The following NAT8L variants were observed in gnomAD, a reference collection of about 807,000 sequenced individuals.
NAT8L encodes N-acetylaspartate synthetase.
In NAT8L, 6 loss-of-function variants were observed where a neutral mutation model predicts 21.2. That is an observed-to-expected ratio of 0.28 (90% CI 0.16 to 0.56). The LOEUF is 0.56. Among genes scored for constraint, NAT8L ranks in the 20% least tolerant of loss-of-function variants. The pLI is 0.93. For synonymous variants in NAT8L, 239 were observed against 204.9 expected (o/e 1.17, Z -1.42); for missense variants, 331 against 433.3 (o/e 0.76, Z 2.10).
chr4:2,067,016 C>T lies in NAT8L; in HGVS notation c.*2889C>T, dbSNP rs1334508222. 1 of 152,472 alleles carries T rather than the reference C, an allele frequency of 6.6e-6. No homozygotes were observed. The highest frequency in any genetic ancestry group is 1.5e-5 in the Non-Finnish European group (1 of 68,230). The allele number at this position is 152,472 out of a possible 1,614,324, so 9.4% of individuals were successfully genotyped here. ...GCGCCTCGGGATGCCCCACACTGCC[C>T]AGAGCCACGGGTCTTGCTGTGCTGG... On this transcript the variant is annotated 3_prime_UTR_variant, in exon 3 of 3. Coordinates refer to ENST00000423729, the MANE Select transcript of NAT8L (RefSeq NM_178557.4).
Position 2,060,526 on chromosome 4 carries a change from C to T in NAT8L, c.377-472C>T, listed in dbSNP as rs911230275. Among the ~76,000 whole-genome samples the T allele has an allele frequency of 1.6e-4, 25 of 152,198 alleles. No individual in the cohort carries two copies. The highest frequency in any genetic ancestry group is 2.5e-4 in the Non-Finnish European group (17 of 68,020). On this transcript the variant is annotated intron_variant, in intron 1 of 2. Transcript: ENST00000423729. The surrounding 1 kb of genome is among the most constrained non-coding windows in gnomAD (Gnocchi z 4.7). ...GGGGCCTCCCTGCCCTGTCCCTGCC[C>T]TCAGAGCTCCCGGACGCTGGCCAGG...
At chr4:2,061,280 G>T (rs943102120) in intron 2 of NAT8L, 118 bp downstream of exon 2, 1 of 1,514,468 alleles carries the variant, frequency 6.6e-7, no homozygotes, top group South Asian at 1.3e-5. Context: ...CTGAGCCGGG[G>T]CCCCTGTGAC....
Position 2,061,175 on chromosome 4 carries a change from C to T in NAT8L, c.541+13C>T. The stretch of plus-strand genomic sequence containing the variant: ...ATGAAGCCGCCCGGTGAGTCCCGCT[C>T]CCGCCGCTCCCCGACCTCCGCCCCA... On this transcript the variant is annotated intron_variant, in intron 2 of 2. Transcript: ENST00000423729. The T allele has an allele frequency of 6.2e-7, 1 of 1,609,622 alleles. No homozygotes were observed. The highest frequency in any genetic ancestry group is 8.5e-7 in the Non-Finnish European group (1 of 1,178,284).
chr4:2,063,114 G>A (rs1729924761), intron 2 of NAT8L, among the ~76,000 whole-genome samples: 1 of 152,288 alleles, frequency 6.6e-6, no homozygotes, highest in Non-Finnish European at 1.5e-5. Context: ...TGCCAGGAGA[G>A]GCCGGGGCCA....
At chr4:2,061,806 C>T (rs372848014) in intron 2 of NAT8L, among the ~76,000 whole-genome samples, 1 of 152,130 alleles carries the variant, frequency 6.6e-6, no homozygotes, top group Non-Finnish European at 1.5e-5. Flanking sequence ...AGACTCTGCT[C>T]TCTGGGGTGG....
rs199509678 is a variant in NAT8L at position 2,064,007 on chromosome 4, C to T, written c.789C>T (p.Gly263=). 459 of 1,611,848 alleles carry T rather than the reference C, an allele frequency of 2.8e-4. 2 individuals are homozygous for T. The highest frequency in any genetic ancestry group is 2.8e-3 in the Middle Eastern group (17 of 6,036). Residue 263 remains glycine (G), a synonymous_variant, in exon 3 of 3, where the codon GGC becomes GGT. Transcript: ENST00000423729. ...VAAHKLYESL[G]FRHMGASDHY... ...CCCACAAGCTCTACGAGTCGCTGGG[C>T]TTCAGACACATGGGCGCCAGTGACC...
At chr4:2,061,384 G>T (rs1415893652) in intron 2 of NAT8L, among the ~76,000 whole-genome samples, 1 of 152,226 alleles carries the variant, frequency 6.6e-6, no homozygotes, top group Non-Finnish European at 1.5e-5. Context: ...CTGGCCCTGC[G>T]ACGCAGTGGC....
rs1729976751 is a variant in NAT8L at position 2,065,346 on chromosome 4, G to A, written c.*1219G>A. ...CAGGGCGCTGCCTTGGGCTGGGTGG[G>A]AAGAGGGGTGGCCGCCTCGGCTTCC... On this transcript the variant is annotated 3_prime_UTR_variant, in exon 3 of 3. Transcript: ENST00000423729. 6.6e-6 allele frequency: 1 copy of A among 150,402 alleles called. No individual in the cohort carries two copies. The highest frequency in any genetic ancestry group is 1.5e-5 in the Non-Finnish European group (1 of 67,768). 9.3% of individuals were successfully genotyped at this position (150,402 alleles called of 1,614,324 possible).
In NAT8L at chr4:2,059,661, C is replaced by G; in HGVS notation, c.150C>G (p.Ala50=). 1.0e-6 allele frequency: 1 copy of G among 971,628 alleles called. No individual in the cohort carries two copies. The highest frequency in any genetic ancestry group is 1.8e-5 in the African/African-American group (1 of 56,206). The allele number at this position is 971,628 out of a possible 1,614,324, so 60.2% of individuals were successfully genotyped here. ...PPLPAAPGPA[A]APPAPPPAPV... ...TGCCCGCCGCGCCCGGGCCGGCCGC[C>G]GCGCCCCCCGCGCCCCCACCTGCCC... Residue 50 remains alanine (A), a synonymous_variant, in exon 1 of 3, where the codon GCC becomes GCG. Transcript: ENST00000423729. This position sits in a 1 kb window ranked among gnomAD's most constrained non-coding sequence, Gnocchi z 4.8.
At chr4:2,062,538 C>T (rs938038742) in intron 2 of NAT8L, among the ~76,000 whole-genome samples, 2 of 152,018 alleles carry the variant, frequency 1.3e-5, no homozygotes, top group South Asian at 2.1e-4. Flanking sequence ...GGGCAGCCCT[C>T]CTGGGAACCC....
At chr4:2,061,268 G>GCCTGAGCCGGGGCCCCTGTGA (rs1455027259) in intron 2 of NAT8L, 106 bp downstream of exon 2, 1 of 1,532,490 alleles carries the variant, frequency 6.5e-7, no homozygotes, top group Admixed American at 2.0e-5. Context: ...GCGTGGGTGG[G>GCCTGAGCCGGGGCCCCTGTGA]CCTGAGCCGG....
rs1012799766 is a variant in NAT8L at position 2,068,341 on chromosome 4, ATG to A, written c.*4218_*4219del. On this transcript the variant is annotated 3_prime_UTR_variant, in exon 3 of 3. Transcript: ENST00000423729. ...TGTGTGTGCGCATGTGTGCGTGTAC[ATG>A]TGTTTGTGTCTTGGGTATGCATAAG... The A allele has an allele frequency of 3.3e-5, 5 of 152,116 alleles. No individual in the cohort carries two copies. Among genetic ancestry groups the A allele is most frequent in the Non-Finnish European group, 5.9e-5 (4 of 68,056 alleles). The allele number at this position is 152,116 out of a possible 1,614,324, so 9.4% of individuals were successfully genotyped here.
At position 2,064,048 on chromosome 4, in the gene NAT8L, G is replaced by T; in HGVS notation, c.830G>T (p.Gly277Val). The stretch of plus-strand genomic sequence containing the variant: ...GCCAGTGACCACTACGTGCTGCCGG[G>T]CATGACCCTCTCGCTGGCTGAGCGC... ...MGASDHYVLP[G>V]MTLSLAERLF... is the part of the protein sequence containing the mutation. Residue 277 changes from glycine to valine, a missense_variant, in exon 3 of 3, where the codon GGC becomes GTC. Around this residue, in one of 2 missense-constraint regions of NAT8L, gnomAD observed 132 missense variants for 237.1 expected, o/e 0.56. Transcript: ENST00000423729. The T allele has an allele frequency of 6.2e-7, 1 of 1,610,820 alleles. No individual in the cohort carries two copies.
rs1478669079 is a variant in NAT8L at position 2,061,004 on chromosome 4, G to T, written c.383G>T (p.Cys128Phe). The change falls in exon 2 of 3, where the codon TGC (cysteine) becomes TTC (phenylalanine). Residue 128 changes from cysteine to phenylalanine, a missense_variant. Coordinates refer to ENST00000423729, the MANE Select transcript of NAT8L (RefSeq NM_178557.4). ...QLLYALLAALCFAVSRSLLLT... is the reference protein window; with the variant it reads ...QLLYALLAALFFAVSRSLLLT... ...CCGCGCCCTCTGCCCCCAGCGCTGT[G>T]CTTCGCCGTGAGCCGCTCGCTGCTG... 6.5e-7 allele frequency: 1 copy of T among 1,537,084 alleles called. No individual in the cohort carries two copies. The highest frequency in any genetic ancestry group is 8.8e-7 in the Non-Finnish European group (1 of 1,134,752).
At chr4:2,062,143 T>C (rs1384604299) in intron 2 of NAT8L, among the ~76,000 whole-genome samples, 1 of 152,148 alleles carries the variant, frequency 6.6e-6, no homozygotes, top group East Asian at 1.9e-4. Context: ...CTGCTCCCTC[T>C]GGGCCGTGGC....
chr4:2,063,786 G>A lies in NAT8L; in HGVS notation c.568G>A (p.Asp190Asn). ...CTCCTGCTTCTGGGTGGCCGTGCTGGATGGCAACGTGGTGGGCATTGTGGC... is the reference window on the plus strand; with the variant it reads ...CTCCTGCTTCTGGGTGGCCGTGCTGAATGGCAACGTGGTGGGCATTGTGGC... ...PGSCFWVAVL[D>N]GNVVGIVAAR... The change falls in exon 3 of 3, where the codon GAT becomes AAT. Residue 190 changes from aspartate to asparagine, a missense_variant. Transcript: ENST00000423729. 1 of 1,612,150 alleles carries A rather than the reference G, an allele frequency of 6.2e-7. No homozygotes were observed. Among genetic ancestry groups the A allele is most frequent in the East Asian group, 2.2e-5 (1 of 44,878 alleles).
Position 2,064,856 on chromosome 4 carries a change from C to G in NAT8L, c.*729C>G, listed in dbSNP as rs1729966173. The G allele has an allele frequency of 6.5e-6, 1 of 152,714 alleles. No homozygotes were observed. The highest frequency in any genetic ancestry group is 6.5e-5 in the Admixed American group (1 of 15,290). 9.5% of individuals were successfully genotyped at this position (152,714 alleles called of 1,614,324 possible). A position where few individuals can be genotyped will look rare whatever the true frequency, so the allele number is the denominator to read the frequency against. On this transcript the variant is annotated 3_prime_UTR_variant, in exon 3 of 3. Transcript: ENST00000423729. ...CTGACTGGTGTCATCACCCAGGTGA[C>G]TCCCATGGCGTCCGTGGCACAGCCA...
rs1169770371 is a variant in NAT8L, at chr4:2,066,646, C to T, written c.*2519C>T. 1 of 152,370 alleles carries T rather than the reference C, an allele frequency of 6.6e-6. No individual in the cohort carries two copies. Among genetic ancestry groups the T allele is most frequent in the African/African-American group, 2.4e-5 (1 of 41,444 alleles). The allele number at this position is 152,370 out of a possible 1,614,324, so 9.4% of individuals were successfully genotyped here. On this transcript the variant is annotated 3_prime_UTR_variant, in exon 3 of 3. Coordinates refer to ENST00000423729, the MANE Select transcript of NAT8L (RefSeq NM_178557.4). ...CGTGAATTTTATACGTTTGTAGAAA[C>T]TCTGATGTAACTTCTTCTACCTCTG...
Position 2,059,459 on chromosome 4 carries a change from G to T in NAT8L, c.-53G>T. 1.1e-6 allele frequency: 1 copy of T among 889,354 alleles called. No individual in the cohort carries two copies. The highest frequency in any genetic ancestry group is 1.3e-6 in the Non-Finnish European group (1 of 747,328). The allele number at this position is 889,354 out of a possible 1,614,324, so 55.1% of individuals were successfully genotyped here. ...CCGCGCCCTTGCCCTGGGCCCGGCC[G>T]TGCCCGCCGCCGCCCGGCCGCGTCC... On this transcript the variant is annotated 5_prime_UTR_variant, in exon 1 of 3. Coordinates refer to ENST00000423729, the MANE Select transcript of NAT8L (RefSeq NM_178557.4). This position sits in a 1 kb window ranked among gnomAD's most constrained non-coding sequence, Gnocchi z 4.8.
Sources: gnomAD v4.1 joint callset for allele counts (sites outside exome capture counted in the v4.1 genomes callset) on GRCh38, gnomAD v4.1.1 for gene constraint, gnomAD v4.1.1 regional missense constraint, Gnocchi (gnomAD v3.1) non-coding constraint, MANE v1.5 for transcripts, NCBI Gene and HGNC (gene_info 2026-07-23, HGNC 2026-07-21) for gene names.